COPG2: variants seen among roughly 807,000 people sequenced by gnomAD.
The protein encoded by COPG2 is coat protein complex I subunit gamma 2, also known as coatomer subunit gamma-2.
A neutral mutation model predicts 46.3 loss-of-function variants in COPG2; 37 were observed. The ratio of observed to expected loss-of-function variants is 0.80; its 90% CI spans 0.61 to 1.05. The LOEUF is 1.05. Ranked by LOEUF, COPG2 falls within the 50% of genes least tolerant of loss-of-function variation. COPG2 has a pLI of 0.00. For missense variants in COPG2, 427 were observed against 387.8 expected, an observed-to-expected ratio of 1.10 and a Z score of -0.85; for synonymous variants, 159 against 129.7, an observed-to-expected ratio of 1.23 and a Z score of -1.53.
chr7:130,656,744 T>C (rs1040739621), intron 4 of COPG2, among the ~76,000 whole-genome samples: 1 of 151,958 alleles, frequency 6.6e-6, no homozygotes. Flanking sequence ...TTTCACAAAA[T>C]ATGTGCAAGA....
intron 9 of COPG2, among the ~76,000 whole-genome samples, chr7:130,565,268 T>C (rs898502213): frequency 1.3e-5 from 2 of 152,140 alleles, no homozygotes; most frequent in African/African-American, 4.8e-5. Flanking sequence ...ACAGCACCCG[T>C]TGGAAAATGA....
At chr7:130,624,367 A>C (rs1013739685) in intron 5 of COPG2, among the ~76,000 whole-genome samples, 1 of 152,098 alleles carries the variant, frequency 6.6e-6, no homozygotes, top group African/African-American at 2.4e-5. Flanking sequence ...ATGGGGTTCT[A>C]TCTACTATTA....
chr7:130,651,494 ATTTTTTTTTTTTTTTT>A (rs59572019), intron 5 of COPG2, among the ~76,000 whole-genome samples: 21 of 57,248 alleles, frequency 3.7e-4, no homozygotes, highest in Admixed American at 1.6e-3. Context: ...ATTTTTTTGT[ATTTTTTTTTTTTTTTT>A]TTTTTTTTTT....
intron 20 of COPG2, among the ~76,000 whole-genome samples, chr7:130,518,818 AC>A (rs1428694137): frequency 2.6e-5 from 4 of 152,134 alleles, no homozygotes; most frequent in African/African-American, 9.7e-5. Flanking sequence ...AGCCTGGCCA[AC>A]ATGGAGAAAC....
At chr7:130,659,006 C>G (rs1554460259) in intron 4 of COPG2, among the ~76,000 whole-genome samples, 11 of 151,960 alleles carry the variant, frequency 7.2e-5, no homozygotes. Flanking sequence ...TAAGTGGTAA[C>G]AAATTTTAAC....
chr7:130,536,894 G>A (rs1799885648), intron 20 of COPG2, among the ~76,000 whole-genome samples: 1 of 152,102 alleles, frequency 6.6e-6, no homozygotes, highest in Non-Finnish European at 1.5e-5. Flanking sequence ...CAGAGAGCAG[G>A]GGATCTGTTG....
chr7:130,626,316 C>A (rs1314615915), intron 5 of COPG2, among the ~76,000 whole-genome samples: 1 of 151,958 alleles, frequency 6.6e-6, no homozygotes, highest in Non-Finnish European at 1.5e-5. Context: ...CCCTCCCTGA[C>A]CAGAGACATG....
intron 20 of COPG2, among the ~76,000 whole-genome samples, chr7:130,539,332 T>G (rs905064677): frequency 1.3e-5 from 2 of 151,458 alleles, no homozygotes; most frequent in African/African-American, 4.9e-5. Context: ...ACTCACTTCA[T>G]GGAACAGAAA....
intron 5 of COPG2, among the ~76,000 whole-genome samples, chr7:130,648,359 G>A (rs1032851933): frequency 6.6e-6 from 1 of 152,146 alleles, no homozygotes; most frequent in South Asian, 2.1e-4. Context: ...CATTTCACAA[G>A]CAAAATACAT....
intron 9 of COPG2, among the ~76,000 whole-genome samples, chr7:130,584,046 A>G (rs1554447664): frequency 6.6e-6 from 1 of 151,910 alleles, no homozygotes; most frequent in Non-Finnish European, 1.5e-5. Context: ...TGATGAACAC[A>G]GATGCTAAAA....
intron 20 of COPG2, among the ~76,000 whole-genome samples, chr7:130,527,702 C>T (rs1235617541): frequency 6.6e-6 from 1 of 152,104 alleles, no homozygotes; most frequent in African/African-American, 2.4e-5. Context: ...GATGGAGAGC[C>T]GGGCAGATAC....
intron 5 of COPG2, among the ~76,000 whole-genome samples, chr7:130,638,602 C>G (rs190376733): frequency 2.8e-4 from 42 of 152,278 alleles, no homozygotes; most frequent in Non-Finnish European, 5.3e-4. Flanking sequence ...TATCCCAGGT[C>G]AACTTCAGAC....
intron 9 of COPG2, among the ~76,000 whole-genome samples, chr7:130,576,030 A>G (rs1388928292): frequency 2.6e-5 from 4 of 152,194 alleles, no homozygotes; most frequent in Admixed American, 2.6e-4. Context: ...ACAATCCTAA[A>G]CATATATCCA....
intron 5 of COPG2, among the ~76,000 whole-genome samples, chr7:130,628,643 A>G (rs1369440648): frequency 6.6e-6 from 1 of 152,232 alleles, no homozygotes; most frequent in Non-Finnish European, 1.5e-5. Flanking sequence ...CTTTTTGTGT[A>G]GCTCCAAGTT....
intron 9 of COPG2, among the ~76,000 whole-genome samples, chr7:130,570,122 A>G (rs1793871264): frequency 1.3e-5 from 2 of 152,302 alleles, no homozygotes; most frequent in South Asian, 2.1e-4. Flanking sequence ...AAAAGTTGAA[A>G]GCATTCCCCA....
In COPG2 at chr7:130,554,482, A is replaced by G. The variant is rs1481763079; in HGVS notation, c.1467T>C (p.Ala489=). Residue 489 remains alanine (A), a splice_region_variant and synonymous_variant, in exon 14 of 24, where the codon GCT becomes GCC. Transcript: ENST00000425248. ...RVVLENEAVR[A]AAVSALAKFG... ...AATATCAGTGTCCCAATGACTCACCAGCTCTGACAGCCTCATTCTCCAGGA... is the reference window on the plus strand; with the variant it reads ...AATATCAGTGTCCCAATGACTCACCGGCTCTGACAGCCTCATTCTCCAGGA... The G allele has an allele frequency of 2.5e-6, 1 of 398,518 alleles. No individual in the cohort carries two copies. The highest frequency in any genetic ancestry group is 4.4e-6 in the Non-Finnish European group (1 of 226,054). 24.7% of individuals were successfully genotyped at this position (398,518 alleles called of 1,614,324 possible). A position where few individuals can be genotyped will look rare whatever the true frequency, so the allele number is the denominator to read the frequency against.
intron 9 of COPG2, among the ~76,000 whole-genome samples, chr7:130,604,135 TG>T (rs1308717427): frequency 2.6e-5 from 4 of 152,018 alleles, no homozygotes; most frequent in African/African-American, 9.7e-5. Flanking sequence ...GTGGCAGAGG[TG>T]GAAGAAAATC....
At chr7:130,610,236 C>T in intron 9 of COPG2, 1 of 417,168 alleles carries the variant, frequency 2.4e-6, no homozygotes, top group Non-Finnish European at 4.6e-6. Flanking sequence ...AATAGTTGAT[C>T]TGGGTCAGGA....
At chr7:130,526,174 G>A (rs1799772592) in intron 20 of COPG2, among the ~76,000 whole-genome samples, 1 of 152,100 alleles carries the variant, frequency 6.6e-6, no homozygotes, top group African/African-American at 2.4e-5. Context: ...AGAGGGGAAG[G>A]AAAAGGCAGC....
Sources: allele counts gnomAD v4.1 joint callset (sites outside exome capture counted in the v4.1 genomes callset), GRCh38; gene constraint gnomAD v4.1.1; transcripts MANE v1.5; gene names NCBI Gene and HGNC (gene_info 2026-07-23, HGNC 2026-07-21).